Variants in RPL26L1 observed in about 807,000 individuals in gnomAD.
RPL26L1 encodes the protein ribosomal protein uL24-like.
RPL26L1 carries 8 observed loss-of-function variants against 15.2 expected under a neutral mutation model. That is an observed-to-expected ratio of 0.53 (90% confidence interval 0.31 to 0.95). The LOEUF is 0.95. Ranked by LOEUF, RPL26L1 falls within the 40% of genes least tolerant of loss-of-function variation. RPL26L1 has a pLI of 0.05. For synonymous variants in RPL26L1, 51 were observed against 65.9 expected (o/e 0.77, Z 1.09); for missense variants, 146 against 190.9 (o/e 0.76, Z 1.39).
upstream of RPL26L1, chr5:172,958,466 T>C (rs1422914137): frequency 8.8e-6 from 4 of 455,816 alleles, no homozygotes; most frequent in Non-Finnish European, 1.8e-5. Flanking sequence ...ATATATGGAA[T>C]GAATGAACGA....
upstream of RPL26L1, chr5:172,957,342 C>T (rs759197503): frequency 8.9e-6 from 4 of 449,970 alleles, no homozygotes; most frequent in Admixed American, 2.4e-5. Flanking sequence ...CAAAACAAAG[C>T]AAAAAGCCTT....
chr5:172,968,788 T>C (rs1351157955), intron 3 of RPL26L1, among the ~76,000 whole-genome samples, 189 bp downstream of exon 3: 4 of 149,498 alleles, frequency 2.7e-5, no homozygotes, highest in Admixed American at 6.8e-5. Context: ...TTGCCTTTCT[T>C]GGTGATGGCT....
chr5:172,969,733 A>G lies in RPL26L1; in HGVS notation c.*192A>G, dbSNP rs939296610. Reference sequence around the variant, plus strand: ...GAAATGCTTCCTAATTCCACATAGTATTTGCATTGTTTTATAAATAAATTC... The same window carrying G: ...GAAATGCTTCCTAATTCCACATAGTGTTTGCATTGTTTTATAAATAAATTC... On this transcript the variant is annotated 3_prime_UTR_variant, in exon 4 of 4. Transcript: ENST00000265100. The G allele has an allele frequency of 6.5e-6, 3 of 464,320 alleles. No individual in the cohort carries two copies. The highest frequency in any genetic ancestry group is 2.0e-5 in the African/African-American group (1 of 50,316). The allele number at this position is 464,320 out of a possible 1,614,324, so 28.8% of individuals were successfully genotyped here.
At chr5:172,955,214 T>C (rs1207172773), upstream of RPL26L1, 2 of 332,932 alleles carry the variant, frequency 6.0e-6, no homozygotes, top group Non-Finnish European at 1.2e-5. Context: ...CTGCAACATC[T>C]ACCTCCCAGA....
At chr5:172,963,132 C>G (rs1315106536) in intron 2 of RPL26L1, among the ~76,000 whole-genome samples, 2 of 151,960 alleles carry the variant, frequency 1.3e-5, no homozygotes, top group Non-Finnish European at 2.9e-5. Context: ...AATCCCGACA[C>G]TTTGGGAGGC....
chr5:172,968,434 G>A, intron 2 of RPL26L1, 25 bp from the exon 3 acceptor site: 1 of 1,610,886 alleles, frequency 6.2e-7, no homozygotes, highest in Non-Finnish European at 8.5e-7. Context: ...AATGGAGGGG[G>A]ATTCTCTTTT....
At chr5:172,968,411 A>G in intron 2 of RPL26L1, 48 bp from the exon 3 acceptor site, 3 of 1,602,916 alleles carry the variant, frequency 1.9e-6, no homozygotes, top group Non-Finnish European at 2.6e-6. Flanking sequence ...CCTCTTTATG[A>G]TCATGCACTA....
chr5:172,967,079 C>T (rs899219208), intron 2 of RPL26L1, among the ~76,000 whole-genome samples: 3 of 151,824 alleles, frequency 2.0e-5, no homozygotes, highest in Non-Finnish European at 4.4e-5. Flanking sequence ...TGGTCTCGAT[C>T]TCTTGACCTC....
chr5:172,960,958 C>T (rs141208012), intron 2 of RPL26L1, among the ~76,000 whole-genome samples: 65 of 151,946 alleles, frequency 4.3e-4, no homozygotes, highest in African/African-American at 1.4e-3. Context: ...TGTTTAGCAG[C>T]GTCCCTGGCC....
chr5:172,955,822 C>G (rs778812759), upstream of RPL26L1: 1 of 152,208 alleles, frequency 6.6e-6, no homozygotes, highest in Non-Finnish European at 1.5e-5. Context: ...AGAGAGACCT[C>G]GTAACTTGGC....
chr5:172,960,071 C>T (rs780951800), intron 2 of RPL26L1, 30 bp downstream of exon 2: 71 of 1,613,116 alleles, frequency 4.4e-5, no homozygotes, highest in Non-Finnish European at 5.8e-5. Context: ...TAGTGGCGCT[C>T]GGACACCGTT....
At chr5:172,965,225 C>T (rs1483710067) in intron 2 of RPL26L1, among the ~76,000 whole-genome samples, 2 of 152,150 alleles carry the variant, frequency 1.3e-5, no homozygotes, top group Non-Finnish European at 2.9e-5. Context: ...CTGCCTAAGC[C>T]TAATCCATCT....
At position 172,959,932 on chromosome 5, in the gene RPL26L1, A is replaced by G. The variant is rs747624987; in HGVS notation, c.59A>G (p.Asn20Ser). Residue 20 changes from asparagine to serine, a missense_variant, in exon 2 of 4, where the codon AAT becomes AGT. Coordinates refer to ENST00000265100, the MANE Select transcript of RPL26L1 (RefSeq NM_016093.4). ...AGTAAAAACCGCAAACGTCACTTCA[A>G]TGCCCCCTCACACGTGCGCAGGAAG... Reference protein sequence around the residue: ...DRSKNRKRHFNAPSHVRRKIM... With the variant: ...DRSKNRKRHFSAPSHVRRKIM... The G allele has an allele frequency of 8.2e-5, 132 of 1,614,144 alleles. No homozygotes were observed. Among genetic ancestry groups the G allele is most frequent in the African/African-American group, 2.8e-4 (21 of 75,034 alleles).
chr5:172,969,449 A>C lies in RPL26L1; in HGVS notation c.346A>C (p.Lys116Gln). The change falls in exon 4 of 4, where the codon AAA (lysine) becomes CAA (glutamine). Residue 116 changes from lysine to glutamine, a missense_variant. Physicochemically the swap from Lys to Gln is moderately conservative, Grantham distance 53. Coordinates refer to ENST00000265100, the MANE Select transcript of RPL26L1 (RefSeq NM_016093.4). The stretch of plus-strand genomic sequence containing the variant: ...CAGGCTAAAACTGGACAAGGATCGG[A>C]AAAAAATTCTTGAACGCAAAGCCAA... ...ITRLKLDKDR[K>Q]KILERKAKSR... is the part of the protein sequence containing the mutation. 6.2e-7 allele frequency: 1 copy of C among 1,613,040 alleles called. No individual in the cohort carries two copies. Among genetic ancestry groups the C allele is most frequent in the South Asian group, 1.1e-5 (1 of 91,048 alleles).
upstream of RPL26L1, chr5:172,954,853 A>C (rs1228917343): frequency 2.3e-6 from 1 of 442,326 alleles, no homozygotes; most frequent in Non-Finnish European, 4.6e-6. Context: ...CCAGATGTGG[A>C]TTACAGTGGT....
At chr5:172,966,530 A>C (rs1012233687) in intron 2 of RPL26L1, among the ~76,000 whole-genome samples, 5 of 151,900 alleles carry the variant, frequency 3.3e-5, no homozygotes, top group African/African-American at 1.2e-4. Context: ...TTGGAAGGCC[A>C]AGGTGGGTGG....
At chr5:172,957,008 G>A (rs1754995595), upstream of RPL26L1, 1 of 358,868 alleles carries the variant, frequency 2.8e-6, no homozygotes, top group Non-Finnish European at 5.5e-6. Flanking sequence ...TTTCAGATGG[G>A]AATAAACTGA....
intron 2 of RPL26L1, among the ~76,000 whole-genome samples, chr5:172,960,906 T>TGTGGGGG (rs1365936649): frequency 2.7e-5 from 3 of 112,596 alleles, no homozygotes; most frequent in East Asian, 3.1e-4. Context: ...GGATAATTGT[T>TGTGGGGG]GTGGGGGGTG....
At chr5:172,965,236 G>C (rs923768026) in intron 2 of RPL26L1, among the ~76,000 whole-genome samples, 3 of 151,932 alleles carry the variant, frequency 2.0e-5, no homozygotes, top group African/African-American at 7.2e-5. Context: ...TAATCCATCT[G>C]CCACTGGGTG....
Sources: allele counts gnomAD v4.1 joint callset (sites outside exome capture counted in the v4.1 genomes callset), GRCh38; gene constraint gnomAD v4.1.1; transcripts MANE v1.5; gene names NCBI Gene and HGNC (gene_info 2026-07-23, HGNC 2026-07-21).